HACL1: variants seen among roughly 807,000 people sequenced by gnomAD.
The protein encoded by HACL1 is 1600020H07Rik.
Under a neutral mutation model 74.2 loss-of-function variants are expected in HACL1, and 64 were observed. The ratio of observed to expected loss-of-function variants is 0.86; its 90% CI spans 0.70 to 1.06. The LOEUF (loss-of-function observed/expected upper bound fraction) is 1.06, where lower values mean the gene tolerates loss of function less well. HACL1 is among the 50% of genes least tolerant of loss of function. The pLI is 0.00. For synonymous variants in HACL1, 230 were observed against 238.8 expected, an observed-to-expected ratio of 0.96 and a Z score of 0.34; for missense variants, 728 against 719.7, an observed-to-expected ratio of 1.01 and a Z score of -0.13.
At chr3:15,598,472 T>A (rs557344291) in intron 2 of HACL1, among the ~76,000 whole-genome samples, 6 of 152,348 alleles carry the variant, frequency 3.9e-5, no homozygotes, top group African/African-American at 1.4e-4. Flanking sequence ...CTGTGTAATT[T>A]TGGCAAGTTG....
rs555228850 is a variant in HACL1, at chr3:15,601,082, A to G, written c.186+8T>C. The G allele has an allele frequency of 7.8e-5, 123 of 1,571,230 alleles. No individual in the cohort carries two copies. The highest frequency in any genetic ancestry group is 1.1e-4 in the Non-Finnish European group (123 of 1,140,804). Reference sequence around the variant, plus strand: ...GTAACGCATTCAGCCACCTGAGTCCATACTCACCGCTTGCTCATTCCTCAT... The same window carrying G: ...GTAACGCATTCAGCCACCTGAGTCCGTACTCACCGCTTGCTCATTCCTCAT... On this transcript the variant is annotated splice_region_variant and intron_variant, in intron 2 of 16. Coordinates refer to ENST00000321169, the MANE Select transcript of HACL1 (RefSeq NM_012260.4).
intron 3 of HACL1, among the ~76,000 whole-genome samples, chr3:15,593,796 C>CTTTTTT (rs1322426326): frequency 5.4e-5 from 6 of 111,368 alleles, no homozygotes; most frequent in East Asian, 2.7e-4. Context: ...TTTTTTTTGT[C>CTTTTTT]TTTTTTTTTT....
rs767274435 is a variant in HACL1 at position 15,601,550 on chromosome 3, A to T, written c.-87T>A. 5 of 1,604,138 alleles carry T rather than the reference A, an allele frequency of 3.1e-6. No homozygotes were observed. In the African/African-American group the frequency reaches 6.7e-5, roughly 21 times the overall value. ...GCAAACGCGAAATCGGCAGCACGCC[A>T]CCTCTGGTACTGCACCTCTGACGGA... is the stretch of plus-strand genomic sequence containing the variant. On this transcript the variant is annotated 5_prime_UTR_variant, in exon 1 of 17. Coordinates refer to ENST00000321169, the MANE Select transcript of HACL1 (RefSeq NM_012260.4).
chr3:15,601,400 G>A lies in HACL1; in HGVS notation c.64C>T (p.Gln22Ter). 3.7e-6 allele frequency: 6 copies of A among 1,614,090 alleles called. No homozygotes were observed. The highest frequency in any genetic ancestry group is 1.3e-5 in the African/African-American group (1 of 75,054). ...EQVSGAKVIA[Q>*]ALKTQDVEYI... The stretch of plus-strand genomic sequence containing the variant: ...CATCGTACTTGCGTTTTCAGGGCCT[G>A]AGCGATGACTTTAGCACCAGACACC... The change falls in exon 1 of 17, where the codon CAG (glutamine) becomes TAG (stop). Residue 22 changes from glutamine (Q) to a stop codon, truncating the protein, a stop_gained. Transcript: ENST00000321169. LOFTEE classifies it high-confidence loss of function.
intron 2 of HACL1, among the ~76,000 whole-genome samples, chr3:15,599,002 A>G (rs2064125819): frequency 6.6e-6 from 1 of 152,228 alleles, no homozygotes; most frequent in South Asian, 2.1e-4. Flanking sequence ...AAAATCTAGG[A>G]ATCATCTCCA....
chr3:15,592,568 A>G (rs55916223), intron 3 of HACL1, among the ~76,000 whole-genome samples: 42 of 146,382 alleles, frequency 2.9e-4, no homozygotes, highest in Non-Finnish European at 5.4e-4. Flanking sequence ...GTGTATACAC[A>G]TGTACGCACA....
intron 3 of HACL1, among the ~76,000 whole-genome samples, chr3:15,593,201 G>A (rs745601536): frequency 4.8e-5 from 7 of 144,762 alleles, no homozygotes; most frequent in African/African-American, 1.4e-4. Flanking sequence ...ATATATGTGC[G>A]TGTGTGTATA....
intron 5 of HACL1, among the ~76,000 whole-genome samples, chr3:15,588,505 A>G (rs2063830874): frequency 6.6e-6 from 1 of 152,050 alleles, no homozygotes; most frequent in South Asian, 2.1e-4. Context: ...AGGTGGGAGG[A>G]TGGCTTAAGC....
intron 12 of HACL1, 22 bp downstream of exon 12, chr3:15,571,646 G>A (rs779898231): frequency 6.3e-6 from 6 of 957,974 alleles, no homozygotes; most frequent in Non-Finnish European, 1.0e-5. Flanking sequence ...CTGTTATTGA[G>A]CGTCAGTAGG....
chr3:15,593,200 C>A (rs780849868), intron 3 of HACL1, among the ~76,000 whole-genome samples: 1 of 145,572 alleles, frequency 6.9e-6, no homozygotes, highest in African/African-American at 2.7e-5. Context: ...TATATATGTG[C>A]GTGTGTGTAT....
At chr3:15,592,079 C>T (rs1312652153) in intron 3 of HACL1, among the ~76,000 whole-genome samples, 4 of 81,136 alleles carry the variant, frequency 4.9e-5, no homozygotes, top group South Asian at 3.6e-4. Flanking sequence ...TATACGTATA[C>T]GTATATATAC....
rs184398137 is a variant in HACL1, at chr3:15,591,450, C to T, written c.308+150G>A. The stretch of plus-strand genomic sequence containing the variant: ...TCCCCCTCCTCCTCCTCATTCCCTC[C>T]CCGGTAACTAACTCTACTTTCAGTT... On this transcript the variant is annotated intron_variant, in intron 4 of 16. Transcript: ENST00000321169. The T allele has an allele frequency of 4.1e-5, 21 of 509,494 alleles. 1 individual carries two copies. In the Admixed American group the frequency reaches 5.8e-4, roughly 14 times the overall value. 31.6% of individuals were successfully genotyped at this position (509,494 alleles called of 1,614,324 possible).
chr3:15,568,061 G>T, intron 13 of HACL1, 59 bp from the exon 14 acceptor site: 2 of 1,396,184 alleles, frequency 1.4e-6, no homozygotes, highest in Non-Finnish European at 2.0e-6. Flanking sequence ...GGATGGGATT[G>T]GCACAAACCT....
chr3:15,591,034 T>A (rs957046186), intron 4 of HACL1, among the ~76,000 whole-genome samples: 9 of 152,174 alleles, frequency 5.9e-5, no homozygotes, highest in African/African-American at 2.2e-4. Context: ...TGTGCCAAGA[T>A]TGCACCACTG....
chr3:15,596,315 C>T, intron 3 of HACL1, 69 bp downstream of exon 3: 2 of 803,270 alleles, frequency 2.5e-6, no homozygotes, highest in South Asian at 1.4e-5. Context: ...ACTCATCCTT[C>T]AGCTGAAAGA....
At chr3:15,593,389 AT>A (rs1205167412) in intron 3 of HACL1, among the ~76,000 whole-genome samples, 4 of 149,448 alleles carry the variant, frequency 2.7e-5, no homozygotes, top group African/African-American at 4.9e-5. Flanking sequence ...AATTTTTTGT[AT>A]TTTTTTTTGG....
At chr3:15,595,212 T>A (rs1013684501) in intron 3 of HACL1, among the ~76,000 whole-genome samples, 1 of 152,216 alleles carries the variant, frequency 6.6e-6, no homozygotes, top group African/African-American at 2.4e-5. Flanking sequence ...TTAATAACTA[T>A]AATTTAAATG....
chr3:15,601,004 G>A, intron 2 of HACL1, 86 bp downstream of exon 2: 1 of 795,896 alleles, frequency 1.3e-6, no homozygotes, highest in South Asian at 1.4e-5. Context: ...AGAGTGGTAA[G>A]CGCTATCTGG....
intron 9 of HACL1, among the ~76,000 whole-genome samples, chr3:15,579,104 C>T (rs1462524715): frequency 6.6e-6 from 1 of 152,198 alleles, no homozygotes; most frequent in African/African-American, 2.4e-5. Flanking sequence ...CTAATCTAAT[C>T]ACGTTGACTG....
Sources: gnomAD v4.1 joint callset for allele counts (sites outside exome capture counted in the v4.1 genomes callset) on GRCh38, gnomAD v4.1.1 for gene constraint, MANE v1.5 for transcripts, NCBI Gene and HGNC (gene_info 2026-07-23, HGNC 2026-07-21) for gene names.